The following AFG2A variants were observed in gnomAD, a reference collection of about 807,000 sequenced individuals.
AFG2A encodes the protein ATPase family gene 2 protein homolog A.
the AFG2A span, chr4:122,923,379 CTT>C: frequency 6.3e-7 from 1 of 1,581,670 alleles, no homozygotes; most frequent in South Asian, 1.2e-5. Context: ...GTGATACTGA[CTT>C]GGGGTGCAGA....
chr4:122,943,016 C>T, the AFG2A span, among the ~76,000 whole-genome samples: 1 of 152,054 alleles, frequency 6.6e-6, no homozygotes, highest in Non-Finnish European at 1.5e-5. Flanking sequence ...GTTATAATTT[C>T]TGTTCTTTTA....
the AFG2A span, among the ~76,000 whole-genome samples, chr4:123,264,977 T>G: frequency 6.6e-6 from 1 of 152,118 alleles, no homozygotes; most frequent in African/African-American, 2.4e-5. Flanking sequence ...GCTGGGATCT[T>G]GGGATCTTAG....
chr4:122,976,711 A>C, the AFG2A span, among the ~76,000 whole-genome samples: 1 of 152,182 alleles, frequency 6.6e-6, no homozygotes. Flanking sequence ...TTTCAAAATC[A>C]CATTTCCAAC....
At chr4:123,057,182 T>C in the AFG2A span, 1 of 1,612,700 alleles carries the variant, frequency 6.2e-7, no homozygotes, top group Non-Finnish European at 8.5e-7. Flanking sequence ...TGCTCATCTT[T>C]AGCTAATGTG....
the AFG2A span, among the ~76,000 whole-genome samples, chr4:123,026,483 C>T: frequency 6.6e-6 from 1 of 152,038 alleles, no homozygotes. Flanking sequence ...AATATTTTAA[C>T]AGACTTTACC....
chr4:123,004,742 G>C, the AFG2A span, among the ~76,000 whole-genome samples: 1 of 152,304 alleles, frequency 6.6e-6, no homozygotes, highest in East Asian at 1.9e-4. Flanking sequence ...ACGGTGAAAT[G>C]AGTTGGGAAG....
the AFG2A span, among the ~76,000 whole-genome samples, chr4:123,007,602 G>A: frequency 5.4e-4 from 6 of 11,044 alleles, no homozygotes; most frequent in Admixed American, 7.4e-4. Context: ...GTGTGTGTGT[G>A]TGTGTGTATA....
the AFG2A span, among the ~76,000 whole-genome samples, chr4:123,216,210 C>CT: frequency 2.6e-5 from 4 of 151,942 alleles, no homozygotes; most frequent in East Asian, 5.8e-4. Context: ...ATTCCACTGG[C>CT]TTTTTTTCAA....
the AFG2A span, among the ~76,000 whole-genome samples, chr4:123,148,865 C>G: frequency 1.3e-5 from 2 of 150,702 alleles, no homozygotes; most frequent in African/African-American, 4.9e-5. Context: ...GTCTCCCGGG[C>G]TCAAGCAATT....
At chr4:123,036,734 T>C in the AFG2A span, among the ~76,000 whole-genome samples, 1 of 152,082 alleles carries the variant, frequency 6.6e-6, no homozygotes. Flanking sequence ...TTTTCCTGAA[T>C]AGAATGAATG....
chr4:123,281,578 G>A, the AFG2A span, among the ~76,000 whole-genome samples: 1 of 152,028 alleles, frequency 6.6e-6, no homozygotes, highest in Admixed American at 6.6e-5. Flanking sequence ...CCTATTTTGT[G>A]GATTATGTGG....
chr4:123,191,361 CT>C, the AFG2A span, among the ~76,000 whole-genome samples: 85,620 of 142,652 alleles, frequency 0.6, 26,027 homozygotes, highest in Non-Finnish European at 0.68. Context: ...ACTCTGGACT[CT>C]TTTTTTTTTT....
the AFG2A span, among the ~76,000 whole-genome samples, chr4:123,107,806 G>C: frequency 6.6e-6 from 1 of 152,224 alleles, no homozygotes; most frequent in African/African-American, 2.4e-5. Flanking sequence ...GTGGCTGGGG[G>C]CTGGCATCTC....
the AFG2A span, among the ~76,000 whole-genome samples, chr4:123,002,582 A>G: frequency 6.6e-6 from 1 of 152,166 alleles, no homozygotes; most frequent in African/African-American, 2.4e-5. Flanking sequence ...TTGGCTGGAT[A>G]TGAAATTCTG....
At chr4:123,197,700 G>A in the AFG2A span, among the ~76,000 whole-genome samples, 7 of 151,826 alleles carry the variant, frequency 4.6e-5, no homozygotes, top group African/African-American at 1.7e-4. Flanking sequence ...CCCGGGAGGC[G>A]GAGGTTGCAG....
chr4:123,101,903 G>T, the AFG2A span, among the ~76,000 whole-genome samples: 4 of 151,886 alleles, frequency 2.6e-5, no homozygotes, highest in Non-Finnish European at 5.9e-5. Flanking sequence ...AAGAGTAAAG[G>T]CAGACAGATG....
chr4:123,006,844 G>T, the AFG2A span, among the ~76,000 whole-genome samples: 1 of 150,468 alleles, frequency 6.6e-6, no homozygotes, highest in Non-Finnish European at 1.5e-5. Context: ...TCAATTTATT[G>T]GTTTTTCTCT....
the AFG2A span, among the ~76,000 whole-genome samples, chr4:123,101,382 G>A: frequency 6.6e-6 from 1 of 151,882 alleles, no homozygotes; most frequent in Admixed American, 6.6e-5. Flanking sequence ...ATAGATAAGA[G>A]TGAGCAGACT....
chr4:123,214,223 T>TATA, the AFG2A span, among the ~76,000 whole-genome samples: 4 of 152,162 alleles, frequency 2.6e-5, no homozygotes, highest in Non-Finnish European at 5.9e-5. Flanking sequence ...ACCAATGATT[T>TATA]ATAATATCAA....
Sources: allele counts gnomAD v4.1 joint callset (sites outside exome capture counted in the v4.1 genomes callset), GRCh38; gene constraint gnomAD v4.1.1; transcripts MANE v1.5; gene names NCBI Gene and HGNC (gene_info 2026-07-23, HGNC 2026-07-21).